NT5DC3: variants seen among roughly 807,000 people sequenced by gnomAD.
The protein encoded by NT5DC3 is 5'-nucleotidase domain-containing protein 3.
In NT5DC3, 42 loss-of-function variants were observed where a neutral mutation model predicts 67.8. The observed-to-expected ratio is 0.62, with a 90% CI of 0.48 to 0.80. The LOEUF (loss-of-function observed/expected upper bound fraction) is 0.80. Ranked by LOEUF, NT5DC3 falls within the 30% of genes least tolerant of loss-of-function variation. The pLI is 0.00. For synonymous variants in NT5DC3, 237 were observed against 255.6 expected, an observed-to-expected ratio of 0.93 and a Z score of 0.69; for missense variants, 570 against 696.4, an observed-to-expected ratio of 0.82 and a Z score of 2.04.
intron 2 of NT5DC3, among the ~76,000 whole-genome samples, chr12:103,809,690 C>A (rs1263711710): frequency 1.3e-5 from 2 of 152,078 alleles, no homozygotes; most frequent in African/African-American, 4.8e-5. Context: ...CAGGAAAAAC[C>A]CACCCCCATG....
chr12:103,753,247 G>A, the NT5DC3 span: 26 of 1,614,102 alleles, frequency 1.6e-5, no homozygotes, highest in South Asian at 2.0e-4. Context: ...TTCCATCTAC[G>A]CTCCCCACTG....
At chr12:103,753,456 G>C in the NT5DC3 span, 12 of 1,500,936 alleles carry the variant, frequency 8.0e-6, no homozygotes, top group South Asian at 1.3e-4. Flanking sequence ...CTTCAAGCAA[G>C]GGAGTGCAGG....
chr12:103,809,801 A>G (rs1886952644), intron 2 of NT5DC3, among the ~76,000 whole-genome samples: 1 of 152,298 alleles, frequency 6.6e-6, no homozygotes, highest in East Asian at 1.9e-4. Context: ...AACCATATCA[A>G]TGATCTTGAA....
chr12:103,790,672 C>A (rs1466113352), intron 9 of NT5DC3, among the ~76,000 whole-genome samples: 1 of 149,068 alleles, frequency 6.7e-6, no homozygotes, highest in African/African-American at 2.5e-5. Context: ...GTGTGAGCCA[C>A]GGCACCCCGG....
At chr12:103,815,728 G>A (rs577973428) in intron 1 of NT5DC3, among the ~76,000 whole-genome samples, 1 of 152,208 alleles carries the variant, frequency 6.6e-6, no homozygotes, top group East Asian at 1.9e-4. Flanking sequence ...GGCCAATGGT[G>A]ATGGTTGAAC....
At chr12:103,802,098 A>C (rs1470293743) in intron 4 of NT5DC3, 1 of 152,518 alleles carries the variant, frequency 6.6e-6, no homozygotes, top group Non-Finnish European at 1.5e-5. Context: ...CCTTCTCAGC[A>C]GCGATGCAAC....
intron 1 of NT5DC3, among the ~76,000 whole-genome samples, chr12:103,827,603 T>C (rs906268183): frequency 6.6e-6 from 1 of 152,164 alleles, no homozygotes; most frequent in Non-Finnish European, 1.5e-5. Flanking sequence ...TATATTCAGG[T>C]TTATACATCA....
chr12:103,780,326 C>T lies in NT5DC3; in HGVS notation c.1368G>A (p.Glu456=). Residue 456 remains glutamate (E), a synonymous_variant, in exon 13 of 14, where the codon GAG becomes GAA. Coordinates refer to ENST00000392876, the MANE Select transcript of NT5DC3 (RefSeq NM_001031701.3). ...GCATCTCCTTCCTTTCCTTTTTCCA[C>T]TCCTGCAAAACCAGCTGTGACTCAG... The part of the protein sequence containing the change: ...RDAESQLVLQ[E]WKKERKEMRE... 6.2e-7 allele frequency: 1 copy of T among 1,614,168 alleles called. No individual in the cohort carries two copies.
chr12:103,748,443 G>A, the NT5DC3 span, among the ~76,000 whole-genome samples: 2 of 152,118 alleles, frequency 1.3e-5, no homozygotes, highest in Non-Finnish European at 2.9e-5. Flanking sequence ...AAACCAACCT[G>A]GGTTTAAATC....
At chr12:103,810,859 G>A (rs972567838) in intron 2 of NT5DC3, among the ~76,000 whole-genome samples, 1 of 152,174 alleles carries the variant, frequency 6.6e-6, no homozygotes, top group African/African-American at 2.4e-5. Context: ...GGTTCCTGAG[G>A]TCCAGAGGCC....
the NT5DC3 span, among the ~76,000 whole-genome samples, chr12:103,759,987 T>C: frequency 6.6e-6 from 1 of 152,198 alleles, no homozygotes; most frequent in Non-Finnish European, 1.5e-5. Flanking sequence ...CTAAGGGCAG[T>C]AAATTGTGGC....
chr12:103,790,938 C>T (rs1476556091), intron 9 of NT5DC3, among the ~76,000 whole-genome samples: 1 of 148,386 alleles, frequency 6.7e-6, no homozygotes, highest in Non-Finnish European at 1.5e-5. Context: ...ATCCGCCCGC[C>T]TCAGCCTCCC....
At chr12:103,826,669 T>C (rs1887709725) in intron 1 of NT5DC3, among the ~76,000 whole-genome samples, 1 of 152,244 alleles carries the variant, frequency 6.6e-6, no homozygotes. Context: ...TATATTGTAC[T>C]GTTGTCAATC....
the NT5DC3 span, among the ~76,000 whole-genome samples, chr12:103,749,675 CA>C: frequency 0.098 from 12,869 of 131,614 alleles, 763 homozygotes; most frequent in East Asian, 0.32. Flanking sequence ...TAAAAAAATG[CA>C]AAAAAAAAAA....
chr12:103,755,391 T>A, the NT5DC3 span: 3 of 1,614,088 alleles, frequency 1.9e-6, no homozygotes, highest in Non-Finnish European at 2.5e-6. Context: ...GTGGCTCTGG[T>A]GTGGTTGGGA....
At chr12:103,827,758 T>A (rs1177392311) in intron 1 of NT5DC3, among the ~76,000 whole-genome samples, 1 of 152,246 alleles carries the variant, frequency 6.6e-6, no homozygotes, top group African/African-American at 2.4e-5. Context: ...CCTCTCTTTC[T>A]CTCTGCATTC....
intron 1 of NT5DC3, among the ~76,000 whole-genome samples, chr12:103,828,744 C>G (rs1887802634): frequency 6.9e-6 from 1 of 145,776 alleles, no homozygotes; most frequent in Non-Finnish European, 1.5e-5. Flanking sequence ...GTTGCCCAGG[C>G]TGGAGTGCAG....
rs1885389381 is a variant in NT5DC3 at position 103,777,761 on chromosome 12, C to T, written c.*68G>A. 20 of 1,507,622 alleles carry T rather than the reference C, an allele frequency of 1.3e-5. No homozygotes were observed. Among genetic ancestry groups the T allele is most frequent in the Non-Finnish European group, 1.8e-5 (20 of 1,117,604 alleles). The allele number at this position is 1,507,622 out of a possible 1,614,324, so 93.4% of individuals were successfully genotyped here. A position where few individuals can be genotyped will look rare whatever the true frequency, so the allele number is the denominator to read the frequency against. Reference sequence around the variant, plus strand: ...CTTTTCCAAAAGCAACACTCAGACCCACATGAAGTCAACCCCATCATGCCT... The same window carrying T: ...CTTTTCCAAAAGCAACACTCAGACCTACATGAAGTCAACCCCATCATGCCT... On this transcript the variant is annotated 3_prime_UTR_variant, in exon 14 of 14. Coordinates refer to ENST00000392876, the MANE Select transcript of NT5DC3 (RefSeq NM_001031701.3).
chr12:103,755,389 G>A, the NT5DC3 span: 2 of 1,614,040 alleles, frequency 1.2e-6, no homozygotes, highest in East Asian at 2.2e-5. Flanking sequence ...CTGTGGCTCT[G>A]GTGTGGTTGG....
Sources: allele counts gnomAD v4.1 joint callset (sites outside exome capture counted in the v4.1 genomes callset), GRCh38; gene constraint gnomAD v4.1.1; transcripts MANE v1.5; gene names NCBI Gene and HGNC (gene_info 2026-07-23, HGNC 2026-07-21).